Variants in ARID4B observed in about 807,000 individuals in gnomAD.
The protein encoded by ARID4B is AT-rich interactive domain-containing protein 4B.
In ARID4B, 26 loss-of-function variants were observed where a neutral mutation model predicts 147.5. That is an observed-to-expected ratio of 0.18 (90% CI 0.13 to 0.24). ARID4B has a LOEUF of 0.24. Ranked by LOEUF, ARID4B falls within the 10% of genes least tolerant of loss-of-function variation. ARID4B has a pLI of 1.00. For synonymous variants in ARID4B, 512 were observed against 507.9 expected (o/e 1.01, Z -0.11); for missense variants, 1,179 against 1,511.5 (o/e 0.78, Z 3.65).
intron 16 of ARID4B, among the ~76,000 whole-genome samples, chr1:235,219,498 A>C (rs545753160): frequency 6.6e-6 from 1 of 152,194 alleles, no homozygotes; most frequent in Non-Finnish European, 1.5e-5. Flanking sequence ...ACATAGCCCC[A>C]AGTTTATATT....
Position 235,182,693 on chromosome 1 carries a change from G to A in ARID4B, c.2226C>T (p.Thr742=). 3.1e-6 allele frequency: 5 copies of A among 1,613,546 alleles called. No homozygotes were observed. The highest frequency in any genetic ancestry group is 8.5e-7 in the Non-Finnish European group (1 of 1,179,944). Residue 742 remains threonine (T), a synonymous_variant, in exon 20 of 24, where the codon ACC becomes ACT. Coordinates refer to ENST00000264183, the MANE Select transcript of ARID4B (RefSeq NM_016374.6). ...GKEESKIDHL[T]NNRNDLISKE... is the part of the protein sequence containing the mutation. ...TTGAAATAAGATCATTTCTGTTGTTGGTCAAATGATCAATCTTAGATTCCT... is the reference window on the plus strand; with the variant it reads ...TTGAAATAAGATCATTTCTGTTGTTAGTCAAATGATCAATCTTAGATTCCT...
chr1:235,268,511 T>C (rs553286279), intron 2 of ARID4B, among the ~76,000 whole-genome samples: 9 of 152,050 alleles, frequency 5.9e-5, no homozygotes, highest in Non-Finnish European at 1.3e-4. Context: ...CAAACAGCAA[T>C]AGCCTACATC....
At chr1:235,219,729 C>T in intron 16 of ARID4B, 64 bp downstream of exon 16, 3 of 1,325,756 alleles carry the variant, frequency 2.3e-6, no homozygotes, top group South Asian at 2.6e-5. Flanking sequence ...TAAACACATA[C>T]AAAGAGCAAA....
chr1:235,259,187 T>C (rs995147845), intron 3 of ARID4B, among the ~76,000 whole-genome samples: 1 of 152,220 alleles, frequency 6.6e-6, no homozygotes, highest in East Asian at 1.9e-4. Flanking sequence ...TAGAGTCCAG[T>C]AAGAGTTTTG....
intron 17 of ARID4B, among the ~76,000 whole-genome samples, chr1:235,205,184 T>C (rs576037208): frequency 5.9e-5 from 9 of 151,928 alleles, no homozygotes; most frequent in African/African-American, 1.9e-4. Flanking sequence ...TCCAATGGCA[T>C]ACACAACTCA....
At chr1:235,208,749 T>C (rs1666498282) in intron 17 of ARID4B, among the ~76,000 whole-genome samples, 2 of 152,064 alleles carry the variant, frequency 1.3e-5, no homozygotes, top group South Asian at 4.1e-4. Context: ...ACTCCCAACC[T>C]CAGGTGATCC....
chr1:235,285,249 T>C (rs987519617), intron 2 of ARID4B, among the ~76,000 whole-genome samples: 1 of 152,170 alleles, frequency 6.6e-6, no homozygotes, highest in South Asian at 2.1e-4. Flanking sequence ...TCCAACAATA[T>C]GTTCTAAAAG....
Position 235,172,712 on chromosome 1 carries a change from T to G in ARID4B, c.3717A>C (p.Lys1239Asn), listed in dbSNP as rs1321778933. ...SAERITILQE[K>N]LQEIRKHYLS... Reference sequence around the variant, plus strand: ...GATAATGTTTTCTGATTTCTTGAAGTTTTTCTTGAAGAATTGTGATGCGTT... The same window carrying G: ...GATAATGTTTTCTGATTTCTTGAAGGTTTTCTTGAAGAATTGTGATGCGTT... The change falls in exon 23 of 24, where the codon AAA becomes AAC. Residue 1239 changes from lysine to asparagine, a missense_variant. Physicochemically the swap from Lys to Asn is moderately conservative, Grantham distance 94. Around this residue, in one of 10 missense-constraint regions of ARID4B, gnomAD observed 357 missense variants for 427.3 expected, o/e 0.84. Coordinates refer to ENST00000264183, the MANE Select transcript of ARID4B (RefSeq NM_016374.6). 4.4e-6 allele frequency: 7 copies of G among 1,607,098 alleles called. No individual in the cohort carries two copies. The highest frequency in any genetic ancestry group is 1.1e-5 in the South Asian group (1 of 89,328).
intron 17 of ARID4B, among the ~76,000 whole-genome samples, chr1:235,209,701 T>C (rs1034704717): frequency 2.0e-5 from 3 of 151,582 alleles, no homozygotes; most frequent in African/African-American, 7.3e-5. Context: ...GTAGATCGGA[T>C]TACAGGCACC....
chr1:235,313,985 A>C (rs981857848), intron 2 of ARID4B, among the ~76,000 whole-genome samples: 5 of 152,226 alleles, frequency 3.3e-5, no homozygotes, highest in Admixed American at 6.5e-5. Context: ...TAAACTCATA[A>C]GAATCTGCAC....
intron 2 of ARID4B, among the ~76,000 whole-genome samples, chr1:235,296,843 A>AAGGGAGGAAGGGAGGAAGGGAG (rs71172292): frequency 2.9e-4 from 14 of 48,960 alleles, no homozygotes; most frequent in Non-Finnish European, 4.0e-4. Context: ...GGAAGGGAGG[A>AAGGGAGGAAGGGAGGAAGGGAG]AGGAGGGAGG....
At chr1:235,205,678 A>C (rs1157745809) in intron 17 of ARID4B, among the ~76,000 whole-genome samples, 2 of 152,216 alleles carry the variant, frequency 1.3e-5, no homozygotes, top group African/African-American at 4.8e-5. Flanking sequence ...ATTCAACAAC[A>C]ACAAAACAAC....
At chr1:235,244,740 T>C (rs866291199) in intron 7 of ARID4B, among the ~76,000 whole-genome samples, 1 of 152,280 alleles carries the variant, frequency 6.6e-6, no homozygotes, top group Middle Eastern at 3.4e-3. Context: ...TGTACAAAAA[T>C]ACATTTTAAA....
intron 20 of ARID4B, among the ~76,000 whole-genome samples, chr1:235,179,970 T>C (rs868825529): frequency 6.6e-6 from 1 of 151,350 alleles, no homozygotes; most frequent in South Asian, 2.1e-4. Context: ...CTCAGCAGGC[T>C]GAGGCAGGGG....
chr1:235,234,489 C>T lies in ARID4B; in HGVS notation c.589G>A (p.Val197Ile). 1 of 1,600,190 alleles carries T rather than the reference C, an allele frequency of 6.2e-7. No individual in the cohort carries two copies. Among genetic ancestry groups the T allele is most frequent in the Non-Finnish European group, 8.5e-7 (1 of 1,169,958 alleles). ...ATCTCATCACTACAATCAGGACAAA[C>T]CACCTTTTAAGAAAAAGGGTGAAGC... ...KKALWFPALV[V>I]CPDCSDEIAV... Residue 197 changes from valine to isoleucine, a missense_variant, in exon 9 of 24, where the codon GTT becomes ATT. Physicochemically the swap from Val to Ile is conservative, Grantham distance 29. Around this residue, in one of 10 missense-constraint regions of ARID4B, gnomAD observed 159 missense variants for 190.5 expected, o/e 0.83. Transcript: ENST00000264183.
intron 23 of ARID4B, among the ~76,000 whole-genome samples, chr1:235,170,319 G>A (rs991654233): frequency 3.3e-5 from 5 of 152,074 alleles, no homozygotes; most frequent in African/African-American, 1.2e-4. Context: ...GGCCCACAAA[G>A]CCTAACATAT....
At chr1:235,248,098 G>C (rs1669416996) in intron 6 of ARID4B, among the ~76,000 whole-genome samples, 1 of 152,128 alleles carries the variant, frequency 6.6e-6, no homozygotes, top group Non-Finnish European at 1.5e-5. Context: ...ATTCAGGCTG[G>C]AGTGCAGTGG....
intron 16 of ARID4B, 96 bp downstream of exon 16, chr1:235,219,670 CCAATCACTCTATTATTTAATATTTTGT>C: frequency 1.4e-6 from 1 of 730,446 alleles, no homozygotes; most frequent in Non-Finnish European, 2.1e-6. Flanking sequence ...TTAATAAATG[CCAATCACTCTATTATTTAATATTTTGT>C]CAATTAATTT....
At chr1:235,216,596 G>A (rs954977833) in intron 16 of ARID4B, among the ~76,000 whole-genome samples, 8 of 152,064 alleles carry the variant, frequency 5.3e-5, no homozygotes, top group African/African-American at 1.9e-4. Context: ...GCCTGCCTGG[G>A]CCTCCCGAAG....
Sources: allele counts gnomAD v4.1 joint callset (sites outside exome capture counted in the v4.1 genomes callset), GRCh38; gene constraint gnomAD v4.1.1; regional missense constraint gnomAD v4.1.1; transcripts MANE v1.5; gene names NCBI Gene and HGNC (gene_info 2026-07-23, HGNC 2026-07-21).